NAALADL2: variants seen among roughly 807,000 people sequenced by gnomAD.
NAALADL2 encodes N-acetylated alpha-linked acidic dipeptidase like 2.
In NAALADL2, 76 loss-of-function variants were observed where a neutral mutation model predicts 87.2. The ratio of observed to expected loss-of-function variants is 0.87; its 90% CI spans 0.72 to 1.05. NAALADL2 has a LOEUF of 1.05. Among genes scored for constraint, NAALADL2 ranks in the 50% least tolerant of loss-of-function variants. The probability of loss-of-function intolerance (pLI) is 0.00; values close to 1 mark genes in which losing one functional copy is unlikely to be tolerated. For missense variants in NAALADL2, 1,089 were observed against 945.8 expected (o/e 1.15, Z -1.99); for synonymous variants, 354 against 331.0 (o/e 1.07, Z -0.75).
At chr3:175,686,345 T>A (rs1736291418) in intron 11 of NAALADL2, among the ~76,000 whole-genome samples, 1 of 152,152 alleles carries the variant, frequency 6.6e-6, no homozygotes, top group Non-Finnish European at 1.5e-5. Flanking sequence ...TTTTAAAATA[T>A]AAGAGAAGCT....
At chr3:175,752,137 TA>T (rs1339259182) in intron 12 of NAALADL2, among the ~76,000 whole-genome samples, 6 of 152,128 alleles carry the variant, frequency 3.9e-5, no homozygotes, top group African/African-American at 1.2e-4. Context: ...ATGACTACCA[TA>T]AAACAGATAT....
At chr3:175,780,085 G>A (rs1348370228) in intron 13 of NAALADL2, among the ~76,000 whole-genome samples, 2 of 151,562 alleles carry the variant, frequency 1.3e-5, no homozygotes, top group East Asian at 1.9e-4. Flanking sequence ...TGGTTAACAC[G>A]GTGAAACCCT....
chr3:174,785,581 C>T (rs1180695255), intron 3 of NAALADL2, among the ~76,000 whole-genome samples: 1 of 152,094 alleles, frequency 6.6e-6, no homozygotes, highest in East Asian at 1.9e-4. Flanking sequence ...TGCAATGTCT[C>T]TGCAAATAAA....
intron 2 of NAALADL2, among the ~76,000 whole-genome samples, chr3:175,135,995 T>TA (rs1729059515): frequency 6.6e-6 from 1 of 152,278 alleles, no homozygotes; most frequent in South Asian, 2.1e-4. Flanking sequence ...GTTCAAGTGT[T>TA]ACGGGGAGAA....
Position 174,916,125 on chromosome 3 carries a change from C to G in NAALADL2, c.43+56675C>G, listed in dbSNP as rs1734351437. Among the ~76,000 whole-genome samples, 3 of 152,108 alleles carry G rather than the reference C, an allele frequency of 2.0e-5. No homozygotes were observed. The South Asian group carries it at 6.2e-4, about 31-fold the overall frequency. Reference sequence around the variant, plus strand: ...CCAACAAACATAAAAAAATGCTCAACATCGCTAATCATGGAAATACAAATT... The same window carrying G: ...CCAACAAACATAAAAAAATGCTCAAGATCGCTAATCATGGAAATACAAATT... On this transcript the variant is annotated intron_variant, in intron 1 of 13. Coordinates refer to ENST00000454872, the MANE Select transcript of NAALADL2 (RefSeq NM_207015.3).
At chr3:175,356,150 CG>C (rs1428221557) in intron 5 of NAALADL2, among the ~76,000 whole-genome samples, 1 of 151,928 alleles carries the variant, frequency 6.6e-6, no homozygotes, top group African/African-American at 2.4e-5. Context: ...TGCACCAAGC[CG>C]GGGGTAAGAG....
At chr3:175,357,585 C>T (rs1764529782) in intron 5 of NAALADL2, among the ~76,000 whole-genome samples, 1 of 152,132 alleles carries the variant, frequency 6.6e-6, no homozygotes, top group African/African-American at 2.4e-5. Context: ...AACCACCCTA[C>T]AAATATTCCA....
intron 2 of NAALADL2, among the ~76,000 whole-genome samples, chr3:174,635,682 T>C (rs1722571620): frequency 6.6e-6 from 1 of 152,122 alleles, no homozygotes. Context: ...TTTGTATTTT[T>C]AGTAGAGACG....
chr3:175,650,161 T>C (rs951216520), intron 11 of NAALADL2, among the ~76,000 whole-genome samples: 1 of 151,034 alleles, frequency 6.6e-6, no homozygotes, highest in Non-Finnish European at 1.5e-5. Flanking sequence ...TACTGACACA[T>C]GCTTCAACGT....
At chr3:175,780,594 G>C (rs1750918298) in intron 13 of NAALADL2, among the ~76,000 whole-genome samples, 1 of 152,110 alleles carries the variant, frequency 6.6e-6, no homozygotes, top group African/African-American at 2.4e-5. Context: ...AGCTGGTATG[G>C]TTTATCCTCA....
intron 1 of NAALADL2, among the ~76,000 whole-genome samples, chr3:174,940,950 C>T (rs1399141997): frequency 2.6e-5 from 4 of 151,894 alleles, no homozygotes; most frequent in Non-Finnish European, 4.4e-5. Flanking sequence ...TTTTCAAAAA[C>T]CAACTCCTGG....
rs866633853 is a variant in NAALADL2, at chr3:175,624,251, T to A, written c.1801-3040T>A. Among the ~76,000 whole-genome samples, 250 of 152,168 alleles carry A rather than the reference T, an allele frequency of 1.6e-3. 1 individual carries two copies. The highest frequency in any genetic ancestry group is 3.4e-3 in the Middle Eastern group (1 of 294). Reference sequence around the variant, plus strand: ...TTGGAAGTGGCCTCAGTCATTTTTTTAAGTCAACTTATTAATACAACCAAA... The same window carrying A: ...TTGGAAGTGGCCTCAGTCATTTTTTAAAGTCAACTTATTAATACAACCAAA... On this transcript the variant is annotated intron_variant, in intron 10 of 13. Coordinates refer to ENST00000454872, the MANE Select transcript of NAALADL2 (RefSeq NM_207015.3).
At chr3:175,072,890 CAA>C (rs1715924044) in intron 1 of NAALADL2, among the ~76,000 whole-genome samples, 1 of 151,686 alleles carries the variant, frequency 6.6e-6, no homozygotes, top group African/African-American at 2.4e-5. Flanking sequence ...TTTAAAGAGG[CAA>C]AAAAGTCACT....
intron 3 of NAALADL2, among the ~76,000 whole-genome samples, chr3:174,811,070 C>A (rs1334864352): frequency 1.3e-5 from 2 of 152,174 alleles, no homozygotes; most frequent in Non-Finnish European, 2.9e-5. Flanking sequence ...AATTAGGAGC[C>A]TCCACCTAGA....
At chr3:175,098,893 GT>G (rs11301769) in intron 2 of NAALADL2, among the ~76,000 whole-genome samples, 66,108 of 144,290 alleles carry the variant, frequency 0.46, 14,659 homozygotes, top group East Asian at 0.52. Flanking sequence ...ACAATTATGT[GT>G]TTTTTTTTTT....
chr3:175,252,215 T>A (rs1749183941), intron 3 of NAALADL2, among the ~76,000 whole-genome samples: 1 of 152,224 alleles, frequency 6.6e-6, no homozygotes, highest in South Asian at 2.1e-4. Flanking sequence ...CAACCCTGCA[T>A]TTAGCAAGTC....
chr3:175,576,079 A>G lies in NAALADL2; in HGVS notation c.1692A>G (p.Pro564=). The part of the protein sequence containing the change: ...NFNCTRRAQC[P]ETNISSIQIQ... ...ACTGTACCAGAAGAGCCCAGTGCCC[A>G]GAAACCAATATCAGTTCTATACAGA... The change falls in exon 10 of 14, where the codon CCA becomes CCG. Residue 564 remains proline, a synonymous_variant. Transcript: ENST00000454872. 1 of 1,613,284 alleles carries G rather than the reference A, an allele frequency of 6.2e-7. No homozygotes were observed. Among genetic ancestry groups the G allele is most frequent in the Non-Finnish European group, 8.5e-7 (1 of 1,179,498 alleles).
intron 2 of NAALADL2, among the ~76,000 whole-genome samples, chr3:175,150,249 A>C (rs1731351482): frequency 6.6e-6 from 1 of 152,296 alleles, no homozygotes; most frequent in African/African-American, 2.4e-5. Flanking sequence ...TAGGTGCCAA[A>C]AAATTCATGG....
intron 1 of NAALADL2, among the ~76,000 whole-genome samples, chr3:174,883,228 T>G (rs555074621): frequency 6.6e-6 from 1 of 152,204 alleles, no homozygotes; most frequent in African/African-American, 2.4e-5. Context: ...ACTCAAATGT[T>G]AATCTCCTTT....
Sources: gnomAD v4.1 joint callset for allele counts (sites outside exome capture counted in the v4.1 genomes callset) on GRCh38, gnomAD v4.1.1 for gene constraint, MANE v1.5 for transcripts, NCBI Gene and HGNC (gene_info 2026-07-23, HGNC 2026-07-21) for gene names.